DNAH5: variants seen among roughly 807,000 people sequenced by gnomAD.
The protein encoded by DNAH5 is axonemal beta dynein heavy chain 5.
In DNAH5, 372 loss-of-function variants were observed where a neutral mutation model predicts 518.2. The ratio of observed to expected loss-of-function variants is 0.72; its 90% CI spans 0.66 to 0.78. The LOEUF (loss-of-function observed/expected upper bound fraction) is 0.78. DNAH5 is among the 30% of genes least tolerant of loss of function. The pLI, the probability that DNAH5 is intolerant of heterozygous loss-of-function variation, is 0.00. For synonymous variants in DNAH5, 2,039 were observed against 2,025.9 expected, an observed-to-expected ratio of 1.01 and a Z score of -0.17; for missense variants, 5,523 against 5,687.0, an observed-to-expected ratio of 0.97 and a Z score of 0.93.
At chr5:13,784,103 G>A (rs1424610563) in intron 52 of DNAH5, among the ~76,000 whole-genome samples, 1 of 152,132 alleles carries the variant, frequency 6.6e-6, no homozygotes, top group East Asian at 1.9e-4. Flanking sequence ...GGAGAAAACG[G>A]CAGTTCTAGT....
At position 13,844,738 on chromosome 5, in the gene DNAH5, A is replaced by G. The variant is rs1765734398; in HGVS notation, c.5271+99T>C. On this transcript the variant is annotated intron_variant, in intron 32 of 78. Transcript: ENST00000265104. ...CTGGCCAAGAGCTAATGAACAGGGA[A>G]GCAACCCTTGTTATAAACCCGTTTT... 3 of 1,496,330 alleles carry G rather than the reference A, an allele frequency of 2.0e-6. No individual in the cohort carries two copies. In the African/African-American group the frequency reaches 4.1e-5, roughly 21 times the overall value. The allele number at this position is 1,496,330 out of a possible 1,614,324, so 92.7% of individuals were successfully genotyped here.
At chr5:13,987,546 T>C (rs1783143501) in intron 1 of DNAH5, among the ~76,000 whole-genome samples, 1 of 152,148 alleles carries the variant, frequency 6.6e-6, no homozygotes, top group Admixed American at 6.6e-5. Context: ...ACAAGAGAAT[T>C]GAATCTTGTA....
rs527452174 is a variant in DNAH5, at chr5:13,723,865, G to C, written c.12034-2620C>G. 1.1e-4 allele frequency among the ~76,000 whole-genome samples: 16 copies of C among 152,294 alleles called. No homozygotes were observed. The South Asian group carries it at 2.7e-3, about 26-fold the overall frequency. ...TCTGGAATAGATAACCACAGGGAAG[G>C]CTGCTTCACTTATATCTGGAGAAGG... On this transcript the variant is annotated intron_variant, in intron 70 of 78. Coordinates refer to ENST00000265104, the MANE Select transcript of DNAH5 (RefSeq NM_001369.3).
At chr5:13,887,755 T>C (rs1401324962) in intron 17 of DNAH5, among the ~76,000 whole-genome samples, 1 of 152,088 alleles carries the variant, frequency 6.6e-6, no homozygotes, top group Non-Finnish European at 1.5e-5. Context: ...CTTTACTCCA[T>C]CACTCTCTCA....
rs114012358 is a variant in DNAH5, at chr5:13,773,672, G to C, written c.9374-2692C>G. ...AGACATTAATTTAGTTTTTAGTCTA[G>C]TAAGCATTCATCAAATAATTAACAC... is the stretch of plus-strand genomic sequence containing the variant. On this transcript the variant is annotated intron_variant, in intron 55 of 78. Transcript: ENST00000265104. Among the ~76,000 whole-genome samples the C allele has an allele frequency of 1.1e-3, 171 of 152,238 alleles. 1 individual carries two copies. Among genetic ancestry groups the C allele is most frequent in the Non-Finnish European group, 2.0e-3 (133 of 68,022 alleles).
chr5:13,975,590 A>T (rs1203678967), intron 1 of DNAH5, among the ~76,000 whole-genome samples: 2 of 152,220 alleles, frequency 1.3e-5, no homozygotes, highest in Non-Finnish European at 2.9e-5. Flanking sequence ...ATATGGAATG[A>T]AAGTATTCAA....
chr5:13,751,357 A>C, intron 64 of DNAH5, 97 bp from the exon 65 acceptor site: 2 of 1,190,138 alleles, frequency 1.7e-6, no homozygotes, highest in Non-Finnish European at 2.4e-6. Flanking sequence ...ATAATTACAT[A>C]ATTGGAGATC....
At chr5:13,960,939 C>T (rs1306567747) in intron 1 of DNAH5, among the ~76,000 whole-genome samples, 2 of 152,206 alleles carry the variant, frequency 1.3e-5, no homozygotes, top group Admixed American at 6.5e-5. Context: ...CTGGAAAAGG[C>T]TGCAATAGCT....
chr5:13,715,685 T>G (rs1002182663), intron 74 of DNAH5, among the ~76,000 whole-genome samples: 1 of 152,166 alleles, frequency 6.6e-6, no homozygotes, highest in Non-Finnish European at 1.5e-5. Context: ...GAATTTTAGG[T>G]ATAGAGAAAG....
Position 13,735,826 on chromosome 5 carries a change from G to A in DNAH5, c.11562C>T (p.Ser3854=). ...CCCGCGTACAGACGTACCTGGCTAA[G>A]GAAAGGTCAAATAAGCCCAGAAACT... ...LRQFLGLFDL[S]LARSVKSPIT... The change falls in exon 67 of 79, where the codon TCC becomes TCT. Residue 3854 remains serine (S), a synonymous_variant. Transcript: ENST00000265104. 1 of 1,613,878 alleles carries A rather than the reference G, an allele frequency of 6.2e-7. No individual in the cohort carries two copies. The highest frequency in any genetic ancestry group is 1.1e-5 in the South Asian group (1 of 91,078).
At chr5:13,726,644 G>A (rs9312839) in intron 70 of DNAH5, among the ~76,000 whole-genome samples, 2,926 of 152,218 alleles carry the variant, frequency 0.019, 101 homozygotes, top group African/African-American at 0.067. Flanking sequence ...TCAGTGCCCC[G>A]AACTGTGAAA....
chr5:13,723,707 A>G (rs1451540946), intron 70 of DNAH5, among the ~76,000 whole-genome samples: 2 of 152,232 alleles, frequency 1.3e-5, no homozygotes, highest in African/African-American at 2.4e-5. Flanking sequence ...AAGTTATACA[A>G]TCTTCACTTA....
chr5:13,964,388 T>C (rs942171239), intron 1 of DNAH5, among the ~76,000 whole-genome samples: 2 of 152,100 alleles, frequency 1.3e-5, no homozygotes, highest in African/African-American at 4.8e-5. Flanking sequence ...CAACTCCCAG[T>C]GACTGGGTAA....
chr5:13,708,382 G>T, intron 75 of DNAH5, 47 bp from the exon 76 acceptor site: 1 of 1,593,058 alleles, frequency 6.3e-7, no homozygotes, highest in Non-Finnish European at 8.6e-7. Context: ...AGCTACTAAG[G>T]ATTTTATAGA....
At chr5:13,845,987 C>T (rs80022564) in intron 31 of DNAH5, among the ~76,000 whole-genome samples, 13 of 149,986 alleles carry the variant, frequency 8.7e-5, no homozygotes, top group South Asian at 2.1e-4. Flanking sequence ...TGTGCCACCA[C>T]GCCCAGCTAA....
intron 1 of DNAH5, among the ~76,000 whole-genome samples, chr5:13,998,663 C>T (rs1320876695): frequency 6.6e-6 from 1 of 152,160 alleles, no homozygotes; most frequent in African/African-American, 2.4e-5. Flanking sequence ...TAAACATTAT[C>T]TTATGAGGAA....
intron 74 of DNAH5, among the ~76,000 whole-genome samples, chr5:13,715,547 T>A (rs1288345462): frequency 4.6e-5 from 7 of 152,248 alleles, no homozygotes; most frequent in African/African-American, 1.4e-4. Context: ...ACTCATTACA[T>A]TTGTATATCA....
intron 75 of DNAH5, among the ~76,000 whole-genome samples, chr5:13,713,124 T>TATATATATACACACAC (rs1554018603): frequency 6.1e-5 from 9 of 146,618 alleles, no homozygotes; most frequent in African/African-American, 2.3e-4. Flanking sequence ...TATATATATA[T>TATATATATACACACAC]ACACACACAC....
At chr5:13,951,961 G>A (rs374160877) in intron 1 of DNAH5, among the ~76,000 whole-genome samples, 3 of 152,288 alleles carry the variant, frequency 2.0e-5, no homozygotes, top group South Asian at 2.1e-4. Flanking sequence ...TCAAAATCAT[G>A]TTGTCTTCCT....
Sources: gnomAD v4.1 joint callset for allele counts (sites outside exome capture counted in the v4.1 genomes callset) on GRCh38, gnomAD v4.1.1 for gene constraint, MANE v1.5 for transcripts, NCBI Gene and HGNC (gene_info 2026-07-23, HGNC 2026-07-21) for gene names.